The following RASA1 variants were observed in gnomAD, a reference collection of about 807,000 sequenced individuals.
The protein encoded by RASA1 is RAS p21 protein activator 1, also known as ras GTPase-activating protein 1.
RASA1 carries 25 observed loss-of-function variants against 132.2 expected under a neutral mutation model. The ratio of observed to expected loss-of-function variants is 0.19; its 90% CI spans 0.14 to 0.26. The LOEUF is 0.26. RASA1 is among the 10% of genes least tolerant of loss of function. RASA1 has a pLI of 1.00. For missense variants in RASA1, 964 were observed against 1,299.2 expected (o/e 0.74, Z 3.97); for synonymous variants, 477 against 449.9 (o/e 1.06, Z -0.76).
chr5:87,346,291 A>G (rs779456993), intron 6 of RASA1, among the ~76,000 whole-genome samples: 10 of 152,172 alleles, frequency 6.6e-5, no homozygotes, highest in Middle Eastern at 6.8e-3. Flanking sequence ...AGGAAAATTC[A>G]GAAATGAATT....
At chr5:87,286,100 C>G (rs1330640923) in intron 1 of RASA1, among the ~76,000 whole-genome samples, 1 of 151,988 alleles carries the variant, frequency 6.6e-6, no homozygotes, top group East Asian at 1.9e-4. Flanking sequence ...CCTCCCGCTT[C>G]AAGCAATTCT....
intron 1 of RASA1, among the ~76,000 whole-genome samples, chr5:87,313,269 G>A (rs1475222588): frequency 6.6e-6 from 1 of 152,178 alleles, no homozygotes. Flanking sequence ...ATATCTTTGA[G>A]GTGGCTGAAT....
chr5:87,354,409 T>C (rs1759500036), intron 9 of RASA1, among the ~76,000 whole-genome samples: 1 of 152,170 alleles, frequency 6.6e-6, no homozygotes, highest in South Asian at 2.1e-4. Context: ...TTATATGTTA[T>C]GTTGATCTGT....
chr5:87,383,471 C>T (rs1223072435), intron 20 of RASA1, among the ~76,000 whole-genome samples: 1 of 152,088 alleles, frequency 6.6e-6, no homozygotes, highest in Admixed American at 6.6e-5. Context: ...AGTTAATCCA[C>T]ATTCTAAATT....
intron 1 of RASA1, among the ~76,000 whole-genome samples, chr5:87,293,066 AT>A (rs1056632876): frequency 3.3e-5 from 5 of 152,018 alleles, no homozygotes; most frequent in Non-Finnish European, 5.9e-5. Context: ...AGACAGTATT[AT>A]TTCTTCTTTT....
intron 1 of RASA1, among the ~76,000 whole-genome samples, chr5:87,315,563 A>G (rs1756263287): frequency 6.6e-6 from 1 of 152,214 alleles, no homozygotes; most frequent in Admixed American, 6.5e-5. Flanking sequence ...TTTTAAAAAA[A>G]TCTTGTGTTT....
At chr5:87,291,832 A>G (rs546634411) in intron 1 of RASA1, among the ~76,000 whole-genome samples, 2 of 152,316 alleles carry the variant, frequency 1.3e-5, no homozygotes, top group African/African-American at 4.8e-5. Context: ...TGCTTCCTAC[A>G]CAGCCTGCAG....
At chr5:87,288,283 T>C (rs1418727189) in intron 1 of RASA1, among the ~76,000 whole-genome samples, 1 of 151,674 alleles carries the variant, frequency 6.6e-6, no homozygotes, top group African/African-American at 2.4e-5. Context: ...ATGACAGACT[T>C]TCATTTATTC....
At position 87,338,536 on chromosome 5, in the gene RASA1, A is replaced by ATATATATATATT; in HGVS notation, c.1017+446_1017+447insATATATATATTT. ...ATATATATATATATATATATATAAA[A>ATATATATATATT]TTTTTTTTTTTTTTAAGTAGAAATG... On this transcript the variant is annotated intron_variant, in intron 5 of 24. Coordinates refer to ENST00000274376, the MANE Select transcript of RASA1 (RefSeq NM_002890.3). 2.6e-3 allele frequency among the ~76,000 whole-genome samples: 221 copies of ATATATATATATT among 85,178 alleles called. 8 individuals are homozygous for ATATATATATATT. Among genetic ancestry groups the ATATATATATATT allele is most frequent in the South Asian group, 4.7e-3 (12 of 2,554 alleles). The allele number at this position is 85,178 out of a possible 152,430, so 55.9% of individuals were successfully genotyped here.
rs1760812240 is a variant in RASA1, at chr5:87,370,000, G to C, written c.1698+100G>C. 8.0e-6 allele frequency: 8 copies of C among 1,003,460 alleles called. No individual in the cohort carries two copies. The East Asian group carries it at 2.1e-4, about 26-fold the overall frequency. 62.2% of individuals were successfully genotyped at this position (1,003,460 alleles called of 1,614,324 possible). On this transcript the variant is annotated intron_variant, in intron 12 of 24. Transcript: ENST00000274376. ...TGATCGCATTCAAGATAAAGTGACA[G>C]AACGCCTGAAATCTAATCATCTCTT...
At chr5:87,375,947 GCT>G (rs1288941211) in intron 15 of RASA1, among the ~76,000 whole-genome samples, 1 of 152,112 alleles carries the variant, frequency 6.6e-6, no homozygotes, top group African/African-American at 2.4e-5. Flanking sequence ...TATTTGAAGT[GCT>G]CTTTTTTCTT....
In RASA1 at chr5:87,356,003, G is replaced by C. The variant is rs575537605; in HGVS notation, c.1332+2768G>C. ...AACTGGAGCGAAAGAGGAGTTGCTT[G>C]TTACGGATGAGAAAAGAAAGTGGTC... On this transcript the variant is annotated intron_variant, in intron 9 of 24. Transcript: ENST00000274376. 3.9e-5 allele frequency among the ~76,000 whole-genome samples: 6 copies of C among 152,336 alleles called. No individual in the cohort carries two copies. The East Asian group carries it at 7.7e-4, about 20-fold the overall frequency.
intron 9 of RASA1, 101 bp downstream of exon 9, chr5:87,353,336 A>G: frequency 1.1e-6 from 1 of 898,320 alleles, no homozygotes; most frequent in Non-Finnish European, 1.8e-6. Flanking sequence ...ATTGGATACA[A>G]CTTAAAACTA....
rs1760998312 is a variant in RASA1 at position 87,372,191 on chromosome 5, G to A, written c.1772G>A (p.Arg591His). 1 of 1,612,986 alleles carries A rather than the reference G, an allele frequency of 6.2e-7. No individual in the cohort carries two copies. The highest frequency in any genetic ancestry group is 8.5e-7 in the Non-Finnish European group (1 of 1,179,204). The change falls in exon 13 of 25, where the codon CGT (arginine) becomes CAT (histidine). Residue 591 changes from arginine to histidine, a missense_variant. Physicochemically the swap from Arg to His is conservative, Grantham distance 29. Transcript: ENST00000274376. ...SSPGTSNKRL[R>H]QVSSLVLHIE... ...CCAGGGACATCCAATAAACGCCTTC[G>A]TCAGGTGAAGCTTAATTTTCTTGGA...
At chr5:87,318,105 G>C (rs1756486689) in intron 1 of RASA1, among the ~76,000 whole-genome samples, 1 of 152,010 alleles carries the variant, frequency 6.6e-6, no homozygotes, top group Non-Finnish European at 1.5e-5. Flanking sequence ...AAATGTTCTT[G>C]GCATTTTGAA....
chr5:87,338,462 G>A (rs1456112602), intron 5 of RASA1, among the ~76,000 whole-genome samples: 4 of 140,734 alleles, frequency 2.8e-5, no homozygotes, highest in Non-Finnish European at 4.6e-5. Context: ...CACCCAGCTA[G>A]CTGGGATTAC....
At chr5:87,380,146 T>G (rs1282510456) in intron 19 of RASA1, among the ~76,000 whole-genome samples, 1 of 152,164 alleles carries the variant, frequency 6.6e-6, no homozygotes, top group Non-Finnish European at 1.5e-5. Flanking sequence ...CCATTTAGTC[T>G]ATACTTGATA....
intron 20 of RASA1, among the ~76,000 whole-genome samples, chr5:87,381,367 A>ATT (rs1180983827): frequency 2.0e-5 from 3 of 152,132 alleles, no homozygotes; most frequent in Non-Finnish European, 4.4e-5. Context: ...TCCAACTAAT[A>ATT]CCCCAACTAA....
At chr5:87,359,458 A>G (rs1483135688) in intron 9 of RASA1, among the ~76,000 whole-genome samples, 1 of 152,178 alleles carries the variant, frequency 6.6e-6, no homozygotes, top group Admixed American at 6.5e-5. Flanking sequence ...GGAATCTTTT[A>G]GGATTTGTGG....
Sources: allele counts gnomAD v4.1 joint callset (sites outside exome capture counted in the v4.1 genomes callset), GRCh38; gene constraint gnomAD v4.1.1; transcripts MANE v1.5; gene names NCBI Gene and HGNC (gene_info 2026-07-23, HGNC 2026-07-21).